The following HPSE2 variants were observed in gnomAD, a reference collection of about 807,000 sequenced individuals.
HPSE2 encodes the protein heparanase 2 (inactive), also known as inactive heparanase-2.
Under a neutral mutation model 60.5 loss-of-function variants are expected in HPSE2, and 38 were observed. The observed-to-expected ratio is 0.63, with a 90% CI of 0.48 to 0.82. The LOEUF is 0.82. HPSE2 is among the 40% of genes least tolerant of loss of function. The probability of loss-of-function intolerance (pLI) is 0.00; values close to 1 mark genes in which losing one functional copy is unlikely to be tolerated. For missense variants in HPSE2, 713 were observed against 740.4 expected, an observed-to-expected ratio of 0.96 and a Z score of 0.43; for synonymous variants, 295 against 293.2, an observed-to-expected ratio of 1.01 and a Z score of -0.06.
intron 3 of HPSE2, among the ~76,000 whole-genome samples, chr10:99,044,231 G>GT (rs996956094): frequency 1.3e-5 from 2 of 152,136 alleles, no homozygotes; most frequent in African/African-American, 4.8e-5. Context: ...GAAATTCCAA[G>GT]TAAGATTTCA....
chr10:99,065,694 T>C (rs1035886682), intron 3 of HPSE2, among the ~76,000 whole-genome samples: 2 of 152,146 alleles, frequency 1.3e-5, no homozygotes, highest in African/African-American at 2.4e-5. Flanking sequence ...CTAGAAGAAA[T>C]ATCTAAGCCA....
chr10:98,489,947 T>C (rs974484380), intron 10 of HPSE2, 104 bp downstream of exon 10: 4 of 1,427,438 alleles, frequency 2.8e-6, no homozygotes, highest in Non-Finnish European at 3.0e-6. Context: ...AGGCAAAAAG[T>C]TTTTGATAAG....
chr10:98,950,922 CTGTTTACACA>C (rs1368220133), intron 3 of HPSE2, among the ~76,000 whole-genome samples: 1 of 152,198 alleles, frequency 6.6e-6, no homozygotes, highest in Non-Finnish European at 1.5e-5. Context: ...ATTGGTACCA[CTGTTTACACA>C]TGTACTGACC....
intron 3 of HPSE2, among the ~76,000 whole-genome samples, chr10:98,776,007 C>T (rs191657742): frequency 6.6e-6 from 1 of 152,210 alleles, no homozygotes; most frequent in African/African-American, 2.4e-5. Context: ...TAGATTTGTC[C>T]CTCCTCAGTC....
At chr10:98,609,325 C>T (rs916952649) in intron 9 of HPSE2, among the ~76,000 whole-genome samples, 1 of 152,206 alleles carries the variant, frequency 6.6e-6, no homozygotes, top group Admixed American at 6.5e-5. Context: ...GTATCTAGCA[C>T]ATAGCATGAA....
chr10:98,907,366 C>T (rs550068977), intron 3 of HPSE2, among the ~76,000 whole-genome samples: 1 of 152,248 alleles, frequency 6.6e-6, no homozygotes, highest in African/African-American at 2.4e-5. Flanking sequence ...CTGGGTGCAG[C>T]AGCATGTGCC....
At chr10:98,541,391 C>T (rs971192714) in intron 9 of HPSE2, among the ~76,000 whole-genome samples, 2 of 152,098 alleles carry the variant, frequency 1.3e-5, no homozygotes, top group Non-Finnish European at 2.9e-5. Context: ...CCTGAGCAAC[C>T]CAGAAGATGG....
At chr10:99,039,905 C>T (rs577423299) in intron 3 of HPSE2, among the ~76,000 whole-genome samples, 16 of 152,120 alleles carry the variant, frequency 1.1e-4, no homozygotes, top group Non-Finnish European at 1.9e-4. Flanking sequence ...AGAGTCAGGG[C>T]TGTATATTTA....
At chr10:98,809,708 T>A (rs909377437) in intron 3 of HPSE2, among the ~76,000 whole-genome samples, 1 of 152,124 alleles carries the variant, frequency 6.6e-6, no homozygotes, top group Non-Finnish European at 1.5e-5. Flanking sequence ...AACTGAAATA[T>A]TTAGTGCAAG....
intron 3 of HPSE2, among the ~76,000 whole-genome samples, chr10:99,093,408 T>G (rs1276460271): frequency 6.6e-6 from 1 of 152,174 alleles, no homozygotes; most frequent in Non-Finnish European, 1.5e-5. Context: ...TTCACGTGGT[T>G]TACGCAGCAA....
intron 3 of HPSE2, among the ~76,000 whole-genome samples, chr10:98,920,328 A>G (rs1346293318): frequency 6.6e-6 from 1 of 152,084 alleles, no homozygotes; most frequent in East Asian, 1.9e-4. Context: ...TCAGACCTGC[A>G]TCACTGGCTG....
chr10:98,819,728 G>A (rs1054231233), intron 3 of HPSE2, among the ~76,000 whole-genome samples: 2 of 152,082 alleles, frequency 1.3e-5, no homozygotes, highest in African/African-American at 4.8e-5. Context: ...TCCTGATAAA[G>A]ACTCAAATTG....
At chr10:99,261,510 C>G in the HPSE2 span, among the ~76,000 whole-genome samples, 1 of 152,138 alleles carries the variant, frequency 6.6e-6, no homozygotes, top group Non-Finnish European at 1.5e-5. Context: ...CTCTTTTTCA[C>G]CAAATATAAA....
intron 2 of HPSE2, among the ~76,000 whole-genome samples, chr10:99,160,110 T>C (rs1195392333): frequency 1.5e-5 from 2 of 137,198 alleles, no homozygotes; most frequent in African/African-American, 2.5e-5. Context: ...CACTGCACTC[T>C]AGACTCTGAC....
At chr10:99,190,508 G>C (rs912645546) in intron 2 of HPSE2, among the ~76,000 whole-genome samples, 1 of 152,178 alleles carries the variant, frequency 6.6e-6, no homozygotes, top group African/African-American at 2.4e-5. Context: ...CGTCCACACA[G>C]TTAGAGTTCA....
chr10:98,866,512 A>C (rs1050777684), intron 3 of HPSE2, among the ~76,000 whole-genome samples: 6 of 152,068 alleles, frequency 3.9e-5, no homozygotes, highest in African/African-American at 1.4e-4. Flanking sequence ...AAATTCAAAG[A>C]GCTCAAAGCA....
chr10:98,599,300 AC>A (rs1268919980), intron 9 of HPSE2, among the ~76,000 whole-genome samples: 1 of 152,184 alleles, frequency 6.6e-6, no homozygotes, highest in African/African-American at 2.4e-5. Flanking sequence ...GTCTGTATCC[AC>A]GGTGGCCAGC....
intron 3 of HPSE2, among the ~76,000 whole-genome samples, chr10:98,771,315 C>G (rs1950236081): frequency 6.6e-6 from 1 of 152,146 alleles, no homozygotes; most frequent in African/African-American, 2.4e-5. Context: ...ACCCAGTACC[C>G]TGAAATATGA....
intron 2 of HPSE2, among the ~76,000 whole-genome samples, chr10:99,227,388 G>A (rs952627833): frequency 6.6e-6 from 1 of 152,056 alleles, no homozygotes; most frequent in Non-Finnish European, 1.5e-5. Context: ...TAAAGGCAAG[G>A]TAGAAACAGA....
Sources: gnomAD v4.1 joint callset for allele counts (sites outside exome capture counted in the v4.1 genomes callset) on GRCh38, gnomAD v4.1.1 for gene constraint, MANE v1.5 for transcripts, NCBI Gene and HGNC (gene_info 2026-07-23, HGNC 2026-07-21) for gene names.